The following KDM1A variants were observed in gnomAD, a reference collection of about 807,000 sequenced individuals.
KDM1A encodes the protein lysine-specific histone demethylase 1A.
Under a neutral mutation model 109.4 loss-of-function variants are expected in KDM1A, and 49 were observed. That is an observed-to-expected ratio of 0.45 (90% CI 0.36 to 0.57). The LOEUF (loss-of-function observed/expected upper bound fraction) is 0.57, where lower values mean the gene tolerates loss of function less well. KDM1A is among the 20% of genes least tolerant of loss of function. The pLI is 0.00. For missense variants in KDM1A, 668 were observed against 1,116.6 expected (o/e 0.60, Z 5.73); for synonymous variants, 380 against 415.4 (o/e 0.91, Z 1.04).
chr1:23,038,387 AATAAT>A (rs371956926), intron 2 of KDM1A, among the ~76,000 whole-genome samples: 1 of 151,952 alleles, frequency 6.6e-6, no homozygotes, highest in African/African-American at 2.4e-5. Flanking sequence ...TCCTTAAGAG[AATAAT>A]ATAATTGAAA....
At chr1:23,045,419 G>A (rs1642474570) in intron 3 of KDM1A, among the ~76,000 whole-genome samples, 2 of 152,184 alleles carry the variant, frequency 1.3e-5, no homozygotes, top group South Asian at 4.1e-4. Flanking sequence ...TTAGTAATAA[G>A]GGGATCCAGA....
chr1:23,052,053 T>TTTTG (rs769982722), intron 4 of KDM1A, among the ~76,000 whole-genome samples: 1 of 152,210 alleles, frequency 6.6e-6, no homozygotes, highest in African/African-American at 2.4e-5. Context: ...ATTGTCATTT[T>TTTTG]TTTGTTTGTT....
chr1:23,060,922 G>A (rs576413081), intron 9 of KDM1A, among the ~76,000 whole-genome samples: 138 of 152,242 alleles, frequency 9.1e-4, no homozygotes, highest in Middle Eastern at 6.8e-3. Flanking sequence ...GGCTATTACC[G>A]TCCTCAAGAA....
chr1:23,065,093 C>G (rs1422514012), intron 9 of KDM1A, among the ~76,000 whole-genome samples: 1 of 152,184 alleles, frequency 6.6e-6, no homozygotes, highest in African/African-American at 2.4e-5. Context: ...GTTTCTTTCT[C>G]AGGATACAAG....
At chr1:23,039,882 C>T (rs1025707681) in intron 2 of KDM1A, among the ~76,000 whole-genome samples, 19 of 152,302 alleles carry the variant, frequency 1.2e-4, no homozygotes, top group African/African-American at 4.3e-4. Flanking sequence ...AGAGAGTCTA[C>T]CTGTTCTACT....
chr1:23,074,203 C>A (rs1015198645), intron 15 of KDM1A, among the ~76,000 whole-genome samples: 1 of 152,204 alleles, frequency 6.6e-6, no homozygotes, highest in Non-Finnish European at 1.5e-5. Context: ...TGATGTAGAG[C>A]AACTCTTCCT....
intron 9 of KDM1A, among the ~76,000 whole-genome samples, chr1:23,061,034 C>T (rs1044973059): frequency 5.3e-5 from 8 of 152,242 alleles, no homozygotes; most frequent in East Asian, 3.9e-4. Context: ...GTCTTTCTAA[C>T]GTAAAGAGAG....
intron 9 of KDM1A, among the ~76,000 whole-genome samples, chr1:23,061,509 A>G (rs2124485892): frequency 6.6e-6 from 1 of 152,250 alleles, no homozygotes; most frequent in South Asian, 2.1e-4. Flanking sequence ...AAGATTTTAA[A>G]CCATTCTCAA....
At chr1:23,037,297 C>T (rs534864374) in intron 2 of KDM1A, among the ~76,000 whole-genome samples, 2 of 142,088 alleles carry the variant, frequency 1.4e-5, no homozygotes, top group East Asian at 2.0e-4. Flanking sequence ...GAGTGAGACC[C>T]TGTCTCAAAA....
intron 9 of KDM1A, among the ~76,000 whole-genome samples, chr1:23,060,013 G>A (rs1642954807): frequency 6.6e-6 from 1 of 152,154 alleles, no homozygotes; most frequent in South Asian, 2.1e-4. Flanking sequence ...CTACCTTAAG[G>A]CTTTATGGGG....
At chr1:23,061,190 A>G (rs1215322017) in intron 9 of KDM1A, among the ~76,000 whole-genome samples, 11 of 152,128 alleles carry the variant, frequency 7.2e-5, no homozygotes. Flanking sequence ...TGAACTGTCA[A>G]TTACCAGTGT....
At chr1:23,032,596 G>A (rs930938747) in intron 2 of KDM1A, among the ~76,000 whole-genome samples, 1 of 151,964 alleles carries the variant, frequency 6.6e-6, no homozygotes, top group African/African-American at 2.4e-5. Flanking sequence ...ATTATTTGTG[G>A]TTATGAAAAT....
intron 2 of KDM1A, among the ~76,000 whole-genome samples, chr1:23,033,077 A>G (rs1642037628): frequency 6.6e-6 from 1 of 152,096 alleles, no homozygotes; most frequent in South Asian, 2.1e-4. Flanking sequence ...TTGCATTTTT[A>G]GTAGAGACAG....
At chr1:23,069,022 T>C (rs1451330486) in intron 11 of KDM1A, 39 bp from the exon 12 acceptor site, 1 of 1,413,782 alleles carries the variant, frequency 7.1e-7, no homozygotes, top group Middle Eastern at 1.8e-4. Flanking sequence ...TTCTGCAAAG[T>C]TGGCTTTGAG....
In KDM1A at chr1:23,019,953, G is replaced by C. The variant is rs749657116; in HGVS notation, c.351+6G>C. ...GCCGGCGCAAGCGGGCGAAGGTAAGGCTCGACCCTTCCCTCAAACGACACC... is the reference window on the plus strand; with the variant it reads ...GCCGGCGCAAGCGGGCGAAGGTAAGCCTCGACCCTTCCCTCAAACGACACC... On this transcript the variant is annotated splice_donor_region_variant and intron_variant, in intron 1 of 20. Coordinates refer to ENST00000400181, the MANE Select transcript of KDM1A (RefSeq NM_001009999.3). The C allele has an allele frequency of 3.9e-6, 6 of 1,539,456 alleles. No homozygotes were observed. The highest frequency in any genetic ancestry group is 4.4e-6 in the Non-Finnish European group (5 of 1,147,016).
chr1:23,065,188 T>G (rs966735050), intron 9 of KDM1A, among the ~76,000 whole-genome samples: 2 of 152,204 alleles, frequency 1.3e-5, no homozygotes, highest in African/African-American at 4.8e-5. Flanking sequence ...AATTCCATTT[T>G]GTTGTTATTG....
intron 5 of KDM1A, 118 bp downstream of exon 5, chr1:23,053,957 C>A (rs1642749309): frequency 1.5e-6 from 1 of 651,340 alleles, no homozygotes. Context: ...CATGTTATTT[C>A]ACCTTGTGCT....
intron 5 of KDM1A, among the ~76,000 whole-genome samples, chr1:23,054,222 G>A (rs905684190): frequency 2.0e-5 from 3 of 151,964 alleles, no homozygotes; most frequent in Non-Finnish European, 4.4e-5. Context: ...GTGAAGGTTT[G>A]GTTTTATTCT....
At chr1:23,078,400 A>T (rs1197283448) in intron 16 of KDM1A, among the ~76,000 whole-genome samples, 2 of 152,196 alleles carry the variant, frequency 1.3e-5, no homozygotes, top group East Asian at 3.8e-4. Context: ...ATATAAACAG[A>T]CATTCATTAA....
Sources: allele counts gnomAD v4.1 joint callset (sites outside exome capture counted in the v4.1 genomes callset), GRCh38; gene constraint gnomAD v4.1.1; transcripts MANE v1.5; gene names NCBI Gene and HGNC (gene_info 2026-07-23, HGNC 2026-07-21).